The following NELL1 variants were observed in gnomAD, a reference collection of about 807,000 sequenced individuals.
The protein encoded by NELL1 is neural EGFL like 1, also known as protein kinase C-binding protein NELL1.
A neutral mutation model predicts 107.4 loss-of-function variants in NELL1; 76 were observed. That is an observed-to-expected ratio of 0.71 (90% CI 0.59 to 0.86). NELL1 has a LOEUF of 0.86. NELL1 is among the 40% of genes least tolerant of loss of function. NELL1 has a pLI of 0.00. For missense variants in NELL1, 1,024 were observed against 1,005.5 expected (o/e 1.02, Z -0.25); for synonymous variants, 353 against 341.2 (o/e 1.03, Z -0.38).
chr11:20,827,223 G>A (rs527887443), intron 3 of NELL1, among the ~76,000 whole-genome samples: 1 of 151,374 alleles, frequency 6.6e-6, no homozygotes, highest in Middle Eastern at 3.4e-3. Context: ...GGAAGAGCCT[G>A]AGTGACCAGT....
intron 14 of NELL1, among the ~76,000 whole-genome samples, chr11:21,336,672 T>C (rs57205572): frequency 0.44 from 46,162 of 105,374 alleles, 7,817 homozygotes; most frequent in East Asian, 0.6. Flanking sequence ...TATATATATA[T>C]ATACACACAC....
intron 12 of NELL1, among the ~76,000 whole-genome samples, chr11:21,063,856 A>G (rs148275532): frequency 5.3e-4 from 81 of 152,364 alleles, no homozygotes; most frequent in Middle Eastern, 3.4e-3. Flanking sequence ...AATCAATTAT[A>G]AAAACTATTT....
At chr11:20,793,956 C>T (rs988909248) in intron 3 of NELL1, among the ~76,000 whole-genome samples, 1 of 152,002 alleles carries the variant, frequency 6.6e-6, no homozygotes, top group African/African-American at 2.4e-5. Flanking sequence ...AGACATATGA[C>T]TTTATATGTA....
At chr11:21,535,850 C>G (rs1318650113) in intron 16 of NELL1, among the ~76,000 whole-genome samples, 2 of 152,150 alleles carry the variant, frequency 1.3e-5, no homozygotes, top group Middle Eastern at 3.2e-3. Context: ...GTTCATATTT[C>G]TTTTCCTTTA....
intron 19 of NELL1, among the ~76,000 whole-genome samples, chr11:21,574,293 CCCA>C (rs1042783119): frequency 5.3e-5 from 8 of 151,336 alleles, no homozygotes; most frequent in African/African-American, 1.9e-4. Context: ...AAGATGTAGC[CCCA>C]GTAGAAAAAG....
At chr11:21,077,304 C>T (rs1854159470) in intron 12 of NELL1, among the ~76,000 whole-genome samples, 1 of 152,016 alleles carries the variant, frequency 6.6e-6, no homozygotes, top group Admixed American at 6.6e-5. Context: ...GATGCTATCT[C>T]ATTATGATAG....
chr11:21,552,196 G>C (rs1279535437), intron 16 of NELL1, among the ~76,000 whole-genome samples: 3 of 150,024 alleles, frequency 2.0e-5, no homozygotes, highest in Non-Finnish European at 4.4e-5. Context: ...TAAATGACGA[G>C]TTAATGGGTA....
rs191751045 is a variant in NELL1 at position 20,751,584 on chromosome 11, C to T, written c.185-32096C>T. ...CTTGAACTCCTGGGCTCAAGTGATGCTCCCACTCCAGCCTTCTTAGTAGCT... is the reference window on the plus strand; with the variant it reads ...CTTGAACTCCTGGGCTCAAGTGATGTTCCCACTCCAGCCTTCTTAGTAGCT... On this transcript the variant is annotated intron_variant, in intron 2 of 19. Coordinates refer to ENST00000357134, the MANE Select transcript of NELL1 (RefSeq NM_006157.5). Among the ~76,000 whole-genome samples the T allele has an allele frequency of 4.6e-5, 7 of 152,134 alleles. No individual in the cohort carries two copies. The East Asian group carries it at 7.8e-4, about 17-fold the overall frequency.
At chr11:20,756,806 G>T (rs1377814741) in intron 2 of NELL1, among the ~76,000 whole-genome samples, 1 of 152,156 alleles carries the variant, frequency 6.6e-6, no homozygotes, top group Non-Finnish European at 1.5e-5. Context: ...AGAGAGGGGG[G>T]AAATGCCTCT....
intron 2 of NELL1, among the ~76,000 whole-genome samples, chr11:20,743,464 G>T (rs1855936749): frequency 6.6e-6 from 1 of 152,116 alleles, no homozygotes; most frequent in Non-Finnish European, 1.5e-5. Flanking sequence ...GACATGAGTT[G>T]TTGTAACAAT....
At chr11:20,826,631 A>G (rs1564924827) in intron 3 of NELL1, among the ~76,000 whole-genome samples, 1 of 151,124 alleles carries the variant, frequency 6.6e-6, no homozygotes, top group Non-Finnish European at 1.5e-5. Context: ...TTATTGCACA[A>G]TTCTGGATTA....
intron 12 of NELL1, among the ~76,000 whole-genome samples, chr11:21,082,278 G>T (rs550716670): frequency 6.6e-6 from 1 of 152,202 alleles, no homozygotes; most frequent in South Asian, 2.1e-4. Context: ...TGTTGATGGG[G>T]ATGCACTACA....
chr11:21,550,918 A>T (rs1482568484), intron 16 of NELL1, among the ~76,000 whole-genome samples: 3 of 151,538 alleles, frequency 2.0e-5, no homozygotes, highest in South Asian at 2.1e-4. Context: ...TTGAATCTAT[A>T]AATTACCTTG....
intron 15 of NELL1, among the ~76,000 whole-genome samples, chr11:21,454,171 A>T (rs1853662639): frequency 7.0e-6 from 1 of 142,808 alleles, no homozygotes; most frequent in African/African-American, 2.6e-5. Flanking sequence ...GAGTGAGAAT[A>T]TGCGGTGTTT....
chr11:21,450,399 T>C (rs1853548013), intron 15 of NELL1, among the ~76,000 whole-genome samples: 2 of 152,186 alleles, frequency 1.3e-5, no homozygotes, highest in South Asian at 4.1e-4. Context: ...GCTGCTGTAG[T>C]GTATTTTGAA....
intron 15 of NELL1, among the ~76,000 whole-genome samples, chr11:21,453,022 C>G (rs1441634622): frequency 6.6e-6 from 1 of 151,812 alleles, no homozygotes; most frequent in African/African-American, 2.4e-5. Context: ...TGTCATAGAA[C>G]ATTCTCTGTA....
chr11:21,247,446 G>GT, intron 14 of NELL1, among the ~76,000 whole-genome samples: 1 of 151,726 alleles, frequency 6.6e-6, no homozygotes, highest in Non-Finnish European at 1.5e-5. Context: ...ACCTTTTGAG[G>GT]TTTTTTGTTT....
At chr11:21,419,259 A>T (rs1852598728) in intron 15 of NELL1, among the ~76,000 whole-genome samples, 1 of 152,140 alleles carries the variant, frequency 6.6e-6, no homozygotes, top group South Asian at 2.1e-4. Flanking sequence ...GTGGGGAGCT[A>T]TGATGAAAAA....
chr11:21,044,948 G>T (rs1302191075), intron 12 of NELL1, among the ~76,000 whole-genome samples: 1 of 152,144 alleles, frequency 6.6e-6, no homozygotes, highest in Non-Finnish European at 1.5e-5. Context: ...GTGTGAACTT[G>T]CTTCAGTTAG....
Sources: allele counts gnomAD v4.1 joint callset (sites outside exome capture counted in the v4.1 genomes callset), GRCh38; gene constraint gnomAD v4.1.1; transcripts MANE v1.5; gene names NCBI Gene and HGNC (gene_info 2026-07-23, HGNC 2026-07-21).